The following KCNQ5 variants were observed in gnomAD, a reference collection of about 807,000 sequenced individuals.
KCNQ5 encodes potassium voltage-gated channel subfamily Q member 5, also known as potassium voltage-gated channel subfamily KQT member 5.
KCNQ5 carries 30 observed loss-of-function variants against 98.2 expected under a neutral mutation model. The observed-to-expected ratio is 0.31, with a 90% CI of 0.23 to 0.41. The LOEUF is 0.41. Ranked by LOEUF, KCNQ5 falls within the 10% of genes least tolerant of loss-of-function variation. The pLI is 1.00. For synonymous variants in KCNQ5, 458 were observed against 449.4 expected (o/e 1.02, Z -0.24); for missense variants, 835 against 1,182.5 (o/e 0.71, Z 4.31).
rs527788684 is a variant in KCNQ5, at chr6:73,195,282, A to G, written c.2667A>G (p.Ala889=). 1.9e-6 allele frequency: 3 copies of G among 1,614,186 alleles called. No individual in the cohort carries two copies. In the African/African-American group the frequency reaches 4.0e-5, roughly 22 times the overall value. ...CAGAGACAGACACTTTTGATGCCGCACCGCAGCCTGCCAGGGAAGCTGCCT... is the reference window on the plus strand; with the variant it reads ...CAGAGACAGACACTTTTGATGCCGCGCCGCAGCCTGCCAGGGAAGCTGCCT... ...EETETDTFDA[A]PQPAREAAFA... is the part of the protein sequence containing the mutation. Residue 889 remains alanine, a synonymous_variant, in exon 14 of 14, where the codon GCA becomes GCG. Coordinates refer to ENST00000370398, the MANE Select transcript of KCNQ5 (RefSeq NM_019842.4).
chr6:73,001,092 C>T (rs1478585705), intron 1 of KCNQ5, among the ~76,000 whole-genome samples: 2 of 152,236 alleles, frequency 1.3e-5, no homozygotes, highest in African/African-American at 2.4e-5. Flanking sequence ...AGAAATTTCT[C>T]TTGTTGAAAC....
chr6:72,902,523 C>A (rs1030132780), intron 1 of KCNQ5, among the ~76,000 whole-genome samples: 1 of 151,978 alleles, frequency 6.6e-6, no homozygotes. Context: ...CCTGTATGTG[C>A]CAGTTTTGTT....
chr6:72,718,249 C>G (rs929628782), intron 1 of KCNQ5, among the ~76,000 whole-genome samples: 4 of 152,086 alleles, frequency 2.6e-5, no homozygotes, highest in African/African-American at 9.7e-5. Context: ...GAAAGTTCCT[C>G]TAAGTTGATC....
chr6:72,683,628 A>T (rs1767815491), intron 1 of KCNQ5, among the ~76,000 whole-genome samples: 1 of 151,910 alleles, frequency 6.6e-6, no homozygotes, highest in Admixed American at 6.6e-5. Context: ...CGGCCTCCCA[A>T]AGGGCTGGGA....
intron 1 of KCNQ5, among the ~76,000 whole-genome samples, chr6:72,958,571 A>C (rs1283332249): frequency 6.6e-6 from 1 of 152,194 alleles, no homozygotes; most frequent in Non-Finnish European, 1.5e-5. Flanking sequence ...TGCTATATTG[A>C]TATGGTTATG....
rs370351323 is a variant in KCNQ5, at chr6:72,996,401, A to G, written c.399-7507A>G. On this transcript the variant is annotated intron_variant, in intron 1 of 13. Transcript: ENST00000370398. ...TTCTTGCAATAAAATCCTGAGAGAA[A>G]TTTCTCACAGGATGCCTCATTGAGC... Among the ~76,000 whole-genome samples, 4 of 152,330 alleles carry G rather than the reference A, an allele frequency of 2.6e-5. No individual in the cohort carries two copies. In the East Asian group the frequency reaches 7.7e-4, roughly 29 times the overall value.
chr6:72,820,125 T>A (rs1052914931), intron 1 of KCNQ5, among the ~76,000 whole-genome samples: 6 of 152,218 alleles, frequency 3.9e-5, no homozygotes, highest in Admixed American at 3.9e-4. Context: ...CAGTAAGAAT[T>A]GTGTCTCAGT....
chr6:72,710,538 C>T (rs562001642), intron 1 of KCNQ5, among the ~76,000 whole-genome samples: 311 of 152,178 alleles, frequency 2.0e-3, no homozygotes, highest in Non-Finnish European at 3.4e-3. Context: ...AGAGGGGTAG[C>T]TATACTTATT....
At chr6:73,106,158 G>C (rs1774990623) in intron 6 of KCNQ5, among the ~76,000 whole-genome samples, 1 of 152,130 alleles carries the variant, frequency 6.6e-6, no homozygotes, top group African/African-American at 2.4e-5. Flanking sequence ...GTGCCAACCA[G>C]AGACCCCAGA....
chr6:72,742,835 T>C (rs16882793), intron 1 of KCNQ5, among the ~76,000 whole-genome samples: 5 of 152,106 alleles, frequency 3.3e-5, no homozygotes, highest in African/African-American at 1.2e-4. Context: ...ATGTACCCAA[T>C]AGAATGCAGC....
intron 10 of KCNQ5, among the ~76,000 whole-genome samples, chr6:73,149,292 C>T (rs1461607247): frequency 1.3e-5 from 2 of 152,104 alleles, no homozygotes; most frequent in African/African-American, 2.4e-5. Flanking sequence ...ATTTCTTGAG[C>T]CTTTTAGGTT....
chr6:72,906,018 G>T lies in KCNQ5; in HGVS notation c.399-97890G>T, dbSNP rs370318695. Among the ~76,000 whole-genome samples, 290 of 151,972 alleles carry T rather than the reference G, an allele frequency of 1.9e-3. 2 individuals are homozygous for T. Among genetic ancestry groups the T allele is most frequent in the African/African-American group, 6.5e-3 (268 of 41,470 alleles). The stretch of plus-strand genomic sequence containing the variant: ...GGTGGGTAGGGAAAGACCATCAGGT[G>T]GGGGCAGGGCTAAGCATGTCTGAGT... On this transcript the variant is annotated intron_variant, in intron 1 of 13. Transcript: ENST00000370398.
intron 11 of KCNQ5, among the ~76,000 whole-genome samples, chr6:73,170,576 A>AAAG (rs1562218391): frequency 1.3e-5 from 2 of 151,054 alleles, no homozygotes; most frequent in Non-Finnish European, 1.5e-5. Context: ...CAAAAAAAAA[A>AAAG]AAAAGAAAAG....
intron 3 of KCNQ5, among the ~76,000 whole-genome samples, chr6:73,048,062 G>T (rs1305032700): frequency 6.6e-6 from 1 of 152,216 alleles, no homozygotes; most frequent in Non-Finnish European, 1.5e-5. Context: ...AATGGGCAAG[G>T]TCTTCCTTCT....
intron 11 of KCNQ5, among the ~76,000 whole-genome samples, chr6:73,185,252 G>A (rs922808499): frequency 6.6e-6 from 1 of 152,124 alleles, no homozygotes; most frequent in African/African-American, 2.4e-5. Flanking sequence ...GACTGTCAAG[G>A]CTCACTGTAG....
rs76395253 is a variant in KCNQ5, at chr6:73,082,654, A to G, written c.918+4767A>G. On this transcript the variant is annotated intron_variant, in intron 5 of 13. Coordinates refer to ENST00000370398, the MANE Select transcript of KCNQ5 (RefSeq NM_019842.4). ...GGGTGTGGGAAATCAAAGCTCACGA[A>G]ACACTATTTAGTTTACTTGCCCACT... 6.1e-3 allele frequency among the ~76,000 whole-genome samples: 929 copies of G among 152,328 alleles called. 40 individuals carry two copies. In the East Asian group the frequency reaches 0.11, roughly 18 times the overall value.
intron 1 of KCNQ5, among the ~76,000 whole-genome samples, chr6:72,936,789 C>T (rs1048056684): frequency 1.3e-5 from 2 of 152,130 alleles, no homozygotes; most frequent in South Asian, 2.1e-4. Context: ...TTCTTGCCTC[C>T]GTCTTCCACA....
intron 1 of KCNQ5, among the ~76,000 whole-genome samples, chr6:72,629,553 T>C (rs2098919693): frequency 6.6e-6 from 1 of 152,142 alleles, no homozygotes; most frequent in Non-Finnish European, 1.5e-5. Flanking sequence ...GAAGGACTGA[T>C]ACAAAAAAAC....
At chr6:73,087,216 C>T (rs947029172) in intron 5 of KCNQ5, among the ~76,000 whole-genome samples, 3 of 152,062 alleles carry the variant, frequency 2.0e-5, no homozygotes, top group Non-Finnish European at 4.4e-5. Flanking sequence ...GCCTGGTCTA[C>T]CATGGTGGCA....
Sources: allele counts gnomAD v4.1 joint callset (sites outside exome capture counted in the v4.1 genomes callset), GRCh38; gene constraint gnomAD v4.1.1; transcripts MANE v1.5; gene names NCBI Gene and HGNC (gene_info 2026-07-23, HGNC 2026-07-21).